The following PLA2G2D variants were observed in gnomAD, a reference collection of about 807,000 sequenced individuals.
PLA2G2D encodes phospholipase A2 group IID, also known as group IID secretory phospholipase A2.
PLA2G2D carries 17 observed loss-of-function variants against 13.9 expected under a neutral mutation model. The observed-to-expected ratio is 1.23, with a 90% CI of 0.84 to 1.84. The LOEUF is 1.84. Among genes scored for constraint, PLA2G2D ranks in the 40% most tolerant of loss-of-function variants. The probability of loss-of-function intolerance (pLI) is 0.00; values close to 1 mark genes in which losing one functional copy is unlikely to be tolerated. For missense variants in PLA2G2D, 194 were observed against 178.7 expected (o/e 1.09, Z -0.49); for synonymous variants, 83 against 69.3 (o/e 1.20, Z -0.98).
intron 1 of PLA2G2D, 152 bp from the exon 2 acceptor site, chr1:20,116,629 A>G: frequency 1.5e-6 from 1 of 680,586 alleles, no homozygotes; most frequent in South Asian, 1.8e-5. Flanking sequence ...GCTATTAAAA[A>G]TATAGCGACA....
chr1:20,113,845 C>T lies in PLA2G2D; in HGVS notation c.*269G>A. 2.6e-6 allele frequency: 1 copy of T among 384,936 alleles called. No individual in the cohort carries two copies. Among genetic ancestry groups the T allele is most frequent in the Non-Finnish European group, 4.7e-6 (1 of 213,976 alleles). 23.8% of individuals were successfully genotyped at this position (384,936 alleles called of 1,614,324 possible). On this transcript the variant is annotated 3_prime_UTR_variant, in exon 4 of 4. Transcript: ENST00000375105. ...GACAGCGGCAGACCCCTCCCCCACCCCGATGCTTTGGTCCAAACACCACCT... is the reference window on the plus strand; with the variant it reads ...GACAGCGGCAGACCCCTCCCCCACCTCGATGCTTTGGTCCAAACACCACCT...
In PLA2G2D at chr1:20,114,039, G is replaced by T. The variant is rs545383125; in HGVS notation, c.*75C>A. On this transcript the variant is annotated 3_prime_UTR_variant, in exon 4 of 4. Coordinates refer to ENST00000375105, the MANE Select transcript of PLA2G2D (RefSeq NM_012400.4). ...TCCCCCCGGAGTGTTTGAAAAGCCA[G>T]GCTGGTTCAGGTTAGATACTGAGGT... The T allele has an allele frequency of 3.5e-6, 5 of 1,426,282 alleles. No individual in the cohort carries two copies. The highest frequency in any genetic ancestry group is 2.6e-4 in the Middle Eastern group (1 of 3,910). The allele number at this position is 1,426,282 out of a possible 1,614,324, so 88.4% of individuals were successfully genotyped here. A position where few individuals can be genotyped will look rare whatever the true frequency, so the allele number is the denominator to read the frequency against.
rs1434450998 is a variant in PLA2G2D at position 20,113,280 on chromosome 1, G to A, written c.*834C>T. On this transcript the variant is annotated 3_prime_UTR_variant, in exon 4 of 4. Coordinates refer to ENST00000375105, the MANE Select transcript of PLA2G2D (RefSeq NM_012400.4). ...GAAGCATTGTGGGAGCTTGGAGGAG[G>A]GAGTGAGCCCTTGCAGTCAGGGAGA... The A allele has an allele frequency of 6.6e-6, 1 of 152,436 alleles. No individual in the cohort carries two copies. Among genetic ancestry groups the A allele is most frequent in the Non-Finnish European group, 1.5e-5 (1 of 68,214 alleles). The allele number at this position is 152,436 out of a possible 1,614,324, so 9.4% of individuals were successfully genotyped here.
intron 1 of PLA2G2D, 146 bp downstream of exon 1, chr1:20,119,313 C>T (rs1330602571): frequency 1.3e-6 from 1 of 778,208 alleles, no homozygotes; most frequent in African/African-American, 1.7e-5. Flanking sequence ...CCACTGAAGG[C>T]TCTTTGCAGA....
chr1:20,115,429 G>T, intron 3 of PLA2G2D, 78 bp downstream of exon 3: 1 of 849,270 alleles, frequency 1.2e-6, no homozygotes, highest in Non-Finnish European at 2.1e-6. Flanking sequence ...AGGTCAAGTA[G>T]CTGTGCTGTG....
In PLA2G2D at chr1:20,114,208, A is replaced by G. The variant is rs1248807366; in HGVS notation, c.344T>C (p.Val115Ala). The change falls in exon 4 of 4, where the codon GTG becomes GCG. Residue 115 changes from valine to alanine, a missense_variant. Val to Ala is a moderately conservative substitution (Grantham distance 64). Coordinates refer to ENST00000375105, the MANE Select transcript of PLA2G2D (RefSeq NM_012400.4). Reference sequence around the variant, plus strand: ...CAGGTTGCGCTTCAGGCAGAAGGCCACCTCCTTGTCACAGGCACACAGCTG... The same window carrying G: ...CAGGTTGCGCTTCAGGCAGAAGGCCGCCTCCTTGTCACAGGCACACAGCTG... ...EQQLCACDKE[V>A]AFCLKRNLDT... The G allele has an allele frequency of 1.2e-6, 2 of 1,613,940 alleles. No individual in the cohort carries two copies. Among genetic ancestry groups the G allele is most frequent in the East Asian group, 4.5e-5 (2 of 44,864 alleles).
intron 2 of PLA2G2D, among the ~76,000 whole-genome samples, chr1:20,115,838 G>T (rs180933243): frequency 7.6e-4 from 115 of 152,302 alleles, no homozygotes; most frequent in Non-Finnish European, 1.3e-3. Flanking sequence ...ACCACCATGG[G>T]ATGGAGGTAC....
At chr1:20,115,720 G>T (rs2016973303) in intron 2 of PLA2G2D, 107 bp from the exon 3 acceptor site, 1 of 751,158 alleles carries the variant, frequency 1.3e-6, no homozygotes. Context: ...AAGAGTCAAG[G>T]CCTGCAGGGC....
chr1:20,114,458 C>A (rs2016943447), intron 3 of PLA2G2D, among the ~76,000 whole-genome samples, 199 bp from the exon 4 acceptor site: 1 of 152,204 alleles, frequency 6.6e-6, no homozygotes, highest in Non-Finnish European at 1.5e-5. Flanking sequence ...TATTTATTCA[C>A]CCATTCATTA....
Position 20,113,779 on chromosome 1 carries a change from T to G in PLA2G2D, c.*335A>C. ...CTGCGGTTGTAGCTCCGAGACTATA[T>G]TGGAGGGGGTGAGGAAGGACAAGGG... On this transcript the variant is annotated 3_prime_UTR_variant, in exon 4 of 4. Transcript: ENST00000375105. 7.5e-6 allele frequency: 2 copies of G among 267,954 alleles called. No homozygotes were observed. Among genetic ancestry groups the G allele is most frequent in the Non-Finnish European group, 1.4e-5 (2 of 140,992 alleles). 16.6% of individuals were successfully genotyped at this position (267,954 alleles called of 1,614,324 possible). A position where few individuals can be genotyped will look rare whatever the true frequency, so the allele number is the denominator to read the frequency against.
Position 20,114,257 on chromosome 1 carries a change from C to G in PLA2G2D, c.295G>C (p.Asp99His), listed in dbSNP as rs781421895. The change falls in exon 4 of 4, where the codon GAC becomes CAC. Residue 99 changes from aspartate to histidine, a missense_variant and splice_region_variant. Coordinates refer to ENST00000375105, the MANE Select transcript of PLA2G2D (RefSeq NM_012400.4). ...TGCTGCTCACACCAGCTTCCCTTGT[C>G]AGCTGTGGACGGAGAAGGGGGAGCT... The part of the protein sequence containing the change: ...NFSQGNIHCS[D>H]KGSWCEQQLC... The G allele has an allele frequency of 1.2e-6, 2 of 1,612,974 alleles. No individual in the cohort carries two copies. The highest frequency in any genetic ancestry group is 1.3e-5 in the African/African-American group (1 of 75,030).
intron 1 of PLA2G2D, 78 bp from the exon 2 acceptor site, chr1:20,116,555 C>G: frequency 7.4e-7 from 1 of 1,357,790 alleles, no homozygotes; most frequent in Non-Finnish European, 1.1e-6. Context: ...GACGGCACCT[C>G]TGCTCTGCCC....
In PLA2G2D at chr1:20,111,979, T is replaced by TTTTAC. The variant is rs1269315735; in HGVS notation, c.*2134_*2135insGTAAA. The TTTTAC allele has an allele frequency of 6.7e-6, 1 of 150,022 alleles. No homozygotes were observed. Among genetic ancestry groups the TTTTAC allele is most frequent in the Non-Finnish European group, 1.5e-5 (1 of 67,780 alleles). 9.3% of individuals were successfully genotyped at this position (150,022 alleles called of 1,614,324 possible). ...TTTTATTTTATTTTATTTTATTTTA[T>TTTTAC]TTTTTGAGACAGAGTGTCACTCTGT... On this transcript the variant is annotated 3_prime_UTR_variant, in exon 4 of 4. Coordinates refer to ENST00000375105, the MANE Select transcript of PLA2G2D (RefSeq NM_012400.4).
intron 1 of PLA2G2D, 121 bp from the exon 2 acceptor site, chr1:20,116,598 A>G: frequency 1.2e-6 from 1 of 843,890 alleles, no homozygotes; most frequent in Non-Finnish European, 1.9e-6. Context: ...TGATGATAAT[A>G]ATAAAACGAC....
intron 1 of PLA2G2D, among the ~76,000 whole-genome samples, chr1:20,119,169 C>A (rs575776987): frequency 2.6e-5 from 4 of 152,178 alleles, no homozygotes; most frequent in Non-Finnish European, 5.9e-5. Context: ...GTGTCCAAAG[C>A]GTCATCATCA....
Position 20,119,523 on chromosome 1 carries a change from C to G in PLA2G2D, c.-25G>C, listed in dbSNP as rs1276654929. On this transcript the variant is annotated 5_prime_UTR_variant, in exon 1 of 4. Transcript: ENST00000375105. ...TGATCCCAGCACAGAGCAGTGGAGG[C>G]AGATGCTGGCAGTCCCTTTCCATGC... The G allele has an allele frequency of 6.2e-7, 1 of 1,612,482 alleles. No homozygotes were observed. The highest frequency in any genetic ancestry group is 1.1e-5 in the South Asian group (1 of 91,020).
intron 1 of PLA2G2D, among the ~76,000 whole-genome samples, chr1:20,117,821 C>G (rs2017020521): frequency 6.6e-6 from 1 of 152,050 alleles, no homozygotes; most frequent in Non-Finnish European, 1.5e-5. Flanking sequence ...GGGTGAGCCA[C>G]ACATTGGGGA....
At chr1:20,119,197 G>A (rs771115274) in intron 1 of PLA2G2D, among the ~76,000 whole-genome samples, 1 of 152,214 alleles carries the variant, frequency 6.6e-6, no homozygotes, top group Non-Finnish European at 1.5e-5. Flanking sequence ...AGCAGACCCT[G>A]GTGCTGGACT....
chr1:20,117,348 T>C (rs952002735), intron 1 of PLA2G2D, among the ~76,000 whole-genome samples: 1 of 152,068 alleles, frequency 6.6e-6, no homozygotes, highest in Non-Finnish European at 1.5e-5. Flanking sequence ...GATTTCCCAC[T>C]CCATAATAGG....
Sources: allele counts gnomAD v4.1 joint callset (sites outside exome capture counted in the v4.1 genomes callset), GRCh38; gene constraint gnomAD v4.1.1; transcripts MANE v1.5; gene names NCBI Gene and HGNC (gene_info 2026-07-23, HGNC 2026-07-21).